Variants in NALCN observed in about 807,000 individuals in gnomAD.
NALCN encodes sodium leak channel NALCN.
NALCN carries 111 observed loss-of-function variants against 225.3 expected under a neutral mutation model. The observed-to-expected ratio is 0.49, with a 90% CI of 0.42 to 0.58. NALCN has a LOEUF of 0.58. Ranked by LOEUF, NALCN falls within the 20% of genes least tolerant of loss-of-function variation. The pLI, the probability that NALCN is intolerant of heterozygous loss-of-function variation, is 0.00. For synonymous variants in NALCN, 764 were observed against 769.0 expected (o/e 0.99, Z 0.11); for missense variants, 1,378 against 2,202.4 (o/e 0.63, Z 7.49).
chr13:101,108,245 T>C (rs2035248944), intron 20 of NALCN, among the ~76,000 whole-genome samples: 1 of 151,910 alleles, frequency 6.6e-6, no homozygotes, highest in African/African-American at 2.4e-5. Context: ...ATGGCCACAG[T>C]CTTCATAGCA....
chr13:101,385,449 G>A (rs2046961188), intron 3 of NALCN, among the ~76,000 whole-genome samples: 2 of 151,304 alleles, frequency 1.3e-5, no homozygotes, highest in South Asian at 2.1e-4. Context: ...TAAAAAAAAA[G>A]AAGGTCCCTC....
At chr13:101,116,450 G>C (rs1291230487) in intron 18 of NALCN, 2 of 503,636 alleles carry the variant, frequency 4.0e-6, no homozygotes, top group Admixed American at 2.1e-5. Flanking sequence ...TTATAAGAGA[G>C]ATCTTTGGAG....
At chr13:101,166,601 A>C (rs2038449803) in intron 15 of NALCN, among the ~76,000 whole-genome samples, 1 of 152,138 alleles carries the variant, frequency 6.6e-6, no homozygotes, top group Admixed American at 6.5e-5. Flanking sequence ...TTTCTTGTTG[A>C]CTATAGGAGC....
chr13:101,258,494 G>C lies in NALCN; in HGVS notation c.1215C>G (p.Tyr405Ter), dbSNP rs778363769. Residue 405 changes from tyrosine (Y) to a stop codon, truncating the protein, a stop_gained, in exon 11 of 44, where the codon TAC (tyrosine) becomes TAG (stop). Transcript: ENST00000251127. LOFTEE classifies it high-confidence loss of function. ...TVDVIVAASN[Y>*]YKGENFRRQY... ...GCCTCCTGAAGTTTTCTCCTTTGTAGTAGTTGCTAGCCGCCACGATCACGT... is the reference window on the plus strand; with the variant it reads ...GCCTCCTGAAGTTTTCTCCTTTGTACTAGTTGCTAGCCGCCACGATCACGT... 1 of 1,614,142 alleles carries C rather than the reference G, an allele frequency of 6.2e-7. No individual in the cohort carries two copies. Among genetic ancestry groups the C allele is most frequent in the South Asian group, 1.1e-5 (1 of 91,070 alleles).
At chr13:101,214,291 G>A (rs12877766) in intron 13 of NALCN, among the ~76,000 whole-genome samples, 1 of 135,942 alleles carries the variant, frequency 7.4e-6, no homozygotes, top group Non-Finnish European at 1.6e-5. Context: ...TCCAGGGCCT[G>A]TCATGGGGTG....
intron 10 of NALCN, among the ~76,000 whole-genome samples, chr13:101,260,592 A>G (rs2042392392): frequency 6.6e-6 from 1 of 152,112 alleles, no homozygotes; most frequent in Non-Finnish European, 1.5e-5. Flanking sequence ...GTCTCATTGT[A>G]GTTTTCATTT....
intron 17 of NALCN, among the ~76,000 whole-genome samples, chr13:101,140,818 G>T (rs1198571475): frequency 6.6e-6 from 1 of 152,186 alleles, no homozygotes. Context: ...CGGCTACTCG[G>T]GAGGCTGAGG....
At chr13:101,069,254 A>T (rs1566779587) in intron 37 of NALCN, among the ~76,000 whole-genome samples, 1 of 152,264 alleles carries the variant, frequency 6.6e-6, no homozygotes, top group Non-Finnish European at 1.5e-5. Context: ...GAGACATTGC[A>T]GTTTCAGTTC....
intron 15 of NALCN, among the ~76,000 whole-genome samples, chr13:101,169,311 T>A (rs1258321150): frequency 6.6e-6 from 1 of 152,166 alleles, no homozygotes; most frequent in Non-Finnish European, 1.5e-5. Context: ...TCTCAGCCTA[T>A]CTTAGCCTAT....
intron 14 of NALCN, among the ~76,000 whole-genome samples, chr13:101,187,379 T>G (rs915176945): frequency 7.2e-5 from 11 of 152,130 alleles, no homozygotes; most frequent in Non-Finnish European, 1.5e-4. Context: ...AAAGGAGGAC[T>G]ACTATATATA....
chr13:101,154,255 C>T (rs1012252246), intron 15 of NALCN, among the ~76,000 whole-genome samples: 1 of 152,128 alleles, frequency 6.6e-6, no homozygotes, highest in Non-Finnish European at 1.5e-5. Flanking sequence ...CTAGAAGTGG[C>T]AGAACTGGAA....
chr13:101,394,050 T>C (rs2047216656), intron 3 of NALCN, among the ~76,000 whole-genome samples: 1 of 152,176 alleles, frequency 6.6e-6, no homozygotes, highest in Non-Finnish European at 1.5e-5. Flanking sequence ...CAGTCACCAA[T>C]ACAAAAGGAG....
At chr13:101,217,282 G>A (rs1411479649) in intron 13 of NALCN, among the ~76,000 whole-genome samples, 1 of 152,146 alleles carries the variant, frequency 6.6e-6, no homozygotes, top group African/African-American at 2.4e-5. Flanking sequence ...CTTAGGACCT[G>A]TACAGGCTGT....
intron 7 of NALCN, among the ~76,000 whole-genome samples, chr13:101,309,227 TAC>T (rs372397000): frequency 3.8e-4 from 57 of 151,760 alleles, no homozygotes; most frequent in African/African-American, 1.2e-3. Context: ...TTAAGAATAA[TAC>T]ACACACACAC....
chr13:101,359,200 T>A (rs2046152821), intron 6 of NALCN, among the ~76,000 whole-genome samples: 1 of 152,030 alleles, frequency 6.6e-6, no homozygotes, highest in South Asian at 2.1e-4. Flanking sequence ...AAAAATTTTT[T>A]AAAAAGCAAA....
Position 101,062,526 on chromosome 13 carries a change from C to T in NALCN, c.4605-408G>A, listed in dbSNP as rs563799001. 1.6e-4 allele frequency among the ~76,000 whole-genome samples: 25 copies of T among 152,258 alleles called. 1 individual carries two copies. In the East Asian group the frequency reaches 3.9e-3, roughly 24 times the overall value. On this transcript the variant is annotated intron_variant, in intron 40 of 43. Coordinates refer to ENST00000251127, the MANE Select transcript of NALCN (RefSeq NM_052867.4). Reference sequence around the variant, plus strand: ...GTGATGGTTAATATGCTCGGCTGTGCGTCACACATCCCTACTCCCTGCATC... The same window carrying T: ...GTGATGGTTAATATGCTCGGCTGTGTGTCACACATCCCTACTCCCTGCATC...
chr13:101,065,280 A>G, intron 40 of NALCN, 124 bp downstream of exon 40: 4 of 1,034,796 alleles, frequency 3.9e-6, no homozygotes, highest in Non-Finnish European at 5.7e-6. Flanking sequence ...ACCCCACTTC[A>G]CGACCACAGC....
At chr13:101,399,899 T>A (rs1474786052) in intron 1 of NALCN, among the ~76,000 whole-genome samples, 2 of 152,136 alleles carry the variant, frequency 1.3e-5, no homozygotes, top group African/African-American at 4.8e-5. Flanking sequence ...AACTCAGCAG[T>A]CACTTGAAGG....
At chr13:101,074,844 T>C (rs2033150780) in intron 35 of NALCN, among the ~76,000 whole-genome samples, 182 bp from the exon 36 acceptor site, 1 of 152,210 alleles carries the variant, frequency 6.6e-6, no homozygotes, top group Admixed American at 6.5e-5. Flanking sequence ...AGTTGCTTTC[T>C]ATAAGGTATT....
Sources: allele counts gnomAD v4.1 joint callset (sites outside exome capture counted in the v4.1 genomes callset), GRCh38; gene constraint gnomAD v4.1.1; transcripts MANE v1.5; gene names NCBI Gene and HGNC (gene_info 2026-07-23, HGNC 2026-07-21).